The following RCOR2 variants were observed in gnomAD, a reference collection of about 807,000 sequenced individuals.
RCOR2 encodes the protein REST corepressor 2.
RCOR2 carries 19 observed loss-of-function variants against 58.9 expected under a neutral mutation model. The observed-to-expected ratio is 0.32, with a 90% CI of 0.23 to 0.47. The LOEUF (loss-of-function observed/expected upper bound fraction) is 0.47, where lower values mean the gene tolerates loss of function less well. Among genes scored for constraint, RCOR2 ranks in the 20% least tolerant of loss-of-function variants. The pLI, the probability that RCOR2 is intolerant of heterozygous loss-of-function variation, is 1.00. For missense variants in RCOR2, 590 were observed against 707.9 expected (o/e 0.83, Z 1.89); for synonymous variants, 286 against 278.7 (o/e 1.03, Z -0.26).
At chr11:63,920,665 G>A (rs1025652226), upstream of RCOR2, among the ~76,000 whole-genome samples, 4 of 152,154 alleles carry the variant, frequency 2.6e-5, no homozygotes, top group South Asian at 2.1e-4. Flanking sequence ...GGGGCCTGGC[G>A]GGAGGTGACC....
Position 63,914,183 on chromosome 11 carries a change from G to T in RCOR2, c.676-14C>A. 2.5e-6 allele frequency: 4 copies of T among 1,613,454 alleles called. No individual in the cohort carries two copies. The highest frequency in any genetic ancestry group is 3.4e-6 in the Non-Finnish European group (4 of 1,179,792). ...AGAGGGTAGAGGCTGCCAGTGAAAG[G>T]AGAGGCAGGTAGGTGGTGCAGAGCC... On this transcript the variant is annotated splice_polypyrimidine_tract_variant and intron_variant, in intron 7 of 11. Coordinates refer to ENST00000301459, the MANE Select transcript of RCOR2 (RefSeq NM_173587.4).
chr11:63,912,004 G>T lies in RCOR2; in HGVS notation c.1433C>A (p.Pro478His). ...PPLQQGRFLQ[P>H]RLAPNQPPPP... ...TGGGGGCTGGTTGGGGGCCAGCCGG[G>T]GCTGGAGGAAGCGGCCCTGCTGCAG... The change falls in exon 12 of 12, where the codon CCC (proline) becomes CAC (histidine). Residue 478 changes from proline (P) to histidine (H), a missense_variant. Physicochemically the swap from Pro to His is moderately conservative, Grantham distance 77 (BLOSUM62 -2). Coordinates refer to ENST00000301459, the MANE Select transcript of RCOR2 (RefSeq NM_173587.4). 6.9e-7 allele frequency: 1 copy of T among 1,440,460 alleles called. No homozygotes were observed. The allele number at this position is 1,440,460 out of a possible 1,614,324, so 89.2% of individuals were successfully genotyped here. A position where few individuals can be genotyped will look rare whatever the true frequency, so the allele number is the denominator to read the frequency against.
At position 63,912,105 on chromosome 11, in the gene RCOR2, G is replaced by T. The variant is rs748959483; in HGVS notation, c.1332C>A (p.Thr444=). 83 of 1,505,032 alleles carry T rather than the reference G, an allele frequency of 5.5e-5. No homozygotes were observed. In the East Asian group the frequency reaches 7.9e-4, roughly 14 times the overall value. The allele number at this position is 1,505,032 out of a possible 1,614,324, so 93.2% of individuals were successfully genotyped here. Residue 444 remains threonine, a synonymous_variant, in exon 12 of 12, where the codon ACC becomes ACA. Transcript: ENST00000301459. ...GCAGCGGGGGTGGCTGGGACAGCGAGGTGGGAGGTGGAGGGGGTGGTGGCG... is the reference window on the plus strand; with the variant it reads ...GCAGCGGGGGTGGCTGGGACAGCGATGTGGGAGGTGGAGGGGGTGGTGGCG... ...PPAPPPPPPP[T]SLSQPPPLLR... is the part of the protein sequence containing the mutation.
upstream of RCOR2, among the ~76,000 whole-genome samples, chr11:63,918,473 G>T (rs1209786863): frequency 6.6e-6 from 1 of 152,192 alleles, no homozygotes; most frequent in Admixed American, 6.5e-5. Flanking sequence ...CACGTTGCCC[G>T]CCACACCTCG....
At chr11:63,913,489 C>CTGTTTTT (rs1213435840) in intron 8 of RCOR2, among the ~76,000 whole-genome samples, 1 of 76,790 alleles carries the variant, frequency 1.3e-5, no homozygotes, top group South Asian at 4.1e-4. Flanking sequence ...CGTGCTCGGC[C>CTGTTTTT]TATTTTTTTT....
the RCOR2 span, among the ~76,000 whole-genome samples, chr11:63,925,930 A>G: frequency 6.6e-6 from 1 of 151,858 alleles, no homozygotes; most frequent in Non-Finnish European, 1.5e-5. Context: ...TATTTTTGAG[A>G]TGCACTTTTG....
Position 63,912,878 on chromosome 11 carries a change from G to A in RCOR2, c.961C>T (p.Pro321Ser). The change falls in exon 9 of 12, where the codon CCC (proline) becomes TCC (serine). Residue 321 changes from proline (P) to serine (S), a missense_variant. Transcript: ENST00000301459. ...ALEGGIDPLR[P>S]PEANTKFNSR... ...TTAAAGAGCAGCCATACCTCCGGGG[G>A]GCGTAGTGGATCAATACCGCCCTCC... The A allele has an allele frequency of 6.2e-7, 1 of 1,613,778 alleles. No homozygotes were observed. Among genetic ancestry groups the A allele is most frequent in the Non-Finnish European group, 8.5e-7 (1 of 1,179,878 alleles).
Position 63,911,937 on chromosome 11 carries a change from G to T in RCOR2, c.1500C>A (p.Ser500Arg). 1.5e-6 allele frequency: 2 copies of T among 1,310,590 alleles called. No individual in the cohort carries two copies. The highest frequency in any genetic ancestry group is 2.0e-6 in the Non-Finnish European group (2 of 988,552). 81.2% of individuals were successfully genotyped at this position (1,310,590 alleles called of 1,614,324 possible). ...IRPALAAPRH[S>R]ARPGPQPPPT... The stretch of plus-strand genomic sequence containing the variant: ...GTGGGGGCTGAGGGCCAGGGCGGGC[G>T]CTGTGGCGGGGGGCAGCCAGAGCGG... Residue 500 changes from serine (S) to arginine (R), a missense_variant, in exon 12 of 12, where the codon AGC becomes AGA. This residue lies in a region of RCOR2 where 196 missense variants were observed against 210.7 expected (regional missense o/e 0.93). Coordinates refer to ENST00000301459, the MANE Select transcript of RCOR2 (RefSeq NM_173587.4).
rs1941863266 is a variant in RCOR2, at chr11:63,916,711, G to A, written c.-255C>T. ...GGGGGACGCAAGGGATGAGCGCAAG[G>A]TCCGGTGCGGCTGGGGCGTGATTAC... is the stretch of plus-strand genomic sequence containing the variant. On this transcript the variant is annotated 5_prime_UTR_variant, in exon 1 of 12. Transcript: ENST00000301459. 1.7e-5 allele frequency: 9 copies of A among 544,706 alleles called. No homozygotes were observed. The highest frequency in any genetic ancestry group is 3.3e-5 in the East Asian group (1 of 30,044). 33.7% of individuals were successfully genotyped at this position (544,706 alleles called of 1,614,324 possible). A position where few individuals can be genotyped will look rare whatever the true frequency, so the allele number is the denominator to read the frequency against.
rs1941762610 is a variant in RCOR2, at chr11:63,911,815, T to C, written c.*50A>G. ...CAGTGACACCAGAGATGCCTGGGGA[T>C]GGCCAGCAAAGGGGTCCTGGAGCCC... is the stretch of plus-strand genomic sequence containing the variant. On this transcript the variant is annotated 3_prime_UTR_variant, in exon 12 of 12. Coordinates refer to ENST00000301459, the MANE Select transcript of RCOR2 (RefSeq NM_173587.4). 1.4e-6 allele frequency: 2 copies of C among 1,469,584 alleles called. No homozygotes were observed. The highest frequency in any genetic ancestry group is 8.9e-7 in the Non-Finnish European group (1 of 1,124,650). 91.0% of individuals were successfully genotyped at this position (1,469,584 alleles called of 1,614,324 possible). A position where few individuals can be genotyped will look rare whatever the true frequency, so the allele number is the denominator to read the frequency against.
Position 63,915,610 on chromosome 11 carries a change from G to A in RCOR2, c.129C>T (p.Asp43=), listed in dbSNP as rs1249232163. ...AATTGGTTCCAACGCGGATCATGCTGTCTGTGGAGCCAGGGGGAGGCAGTC... is the reference window on the plus strand; with the variant it reads ...AATTGGTTCCAACGCGGATCATGCTATCTGTGGAGCCAGGGGGAGGCAGTC... ...DDSSEEEHSH[D]SMIRVGTNYQ... Residue 43 remains aspartate, a splice_region_variant and synonymous_variant, in exon 2 of 12, where the codon GAC becomes GAT. Transcript: ENST00000301459. 8.6e-6 allele frequency: 13 copies of A among 1,517,774 alleles called. No individual in the cohort carries two copies. Among genetic ancestry groups the A allele is most frequent in the Non-Finnish European group, 1.2e-5 (13 of 1,128,830 alleles). The allele number at this position is 1,517,774 out of a possible 1,614,324, so 94.0% of individuals were successfully genotyped here. A position where few individuals can be genotyped will look rare whatever the true frequency, so the allele number is the denominator to read the frequency against.
Position 63,912,192 on chromosome 11 carries a change from G to A in RCOR2, c.1258-13C>T, listed in dbSNP as rs781565951. 1.4e-5 allele frequency: 22 copies of A among 1,575,416 alleles called. No homozygotes were observed. Among genetic ancestry groups the A allele is most frequent in the African/African-American group, 4.1e-5 (3 of 73,890 alleles). Reference sequence around the variant, plus strand: ...ATGTAATCTGGACCTGAGGGGAGAGGAAAGAGTGAGAAGCCAGGCTCTTCC... The same window carrying A: ...ATGTAATCTGGACCTGAGGGGAGAGAAAAGAGTGAGAAGCCAGGCTCTTCC... On this transcript the variant is annotated splice_polypyrimidine_tract_variant and intron_variant, in intron 11 of 11. Coordinates refer to ENST00000301459, the MANE Select transcript of RCOR2 (RefSeq NM_173587.4).
the RCOR2 span, among the ~76,000 whole-genome samples, chr11:63,926,489 C>CTTTTTTTTTTTTTTT: frequency 2.0e-4 from 27 of 137,800 alleles, no homozygotes; most frequent in African/African-American, 4.3e-4. Context: ...CTCTCTCTCT[C>CTTTTTTTTTTTTTTT]TTTTTTTTTT....
chr11:63,922,247 C>G, the RCOR2 span, among the ~76,000 whole-genome samples: 1 of 152,172 alleles, frequency 6.6e-6, no homozygotes, highest in Non-Finnish European at 1.5e-5. Flanking sequence ...ACAAAATGGA[C>G]TAAGATACTC....
At chr11:63,921,115 T>A (rs1941913224), upstream of RCOR2, among the ~76,000 whole-genome samples, 1 of 152,132 alleles carries the variant, frequency 6.6e-6, no homozygotes, top group Admixed American at 6.5e-5. Context: ...GAAATCTGAT[T>A]CCCTGAGCAA....
At chr11:63,923,230 C>A in the RCOR2 span, among the ~76,000 whole-genome samples, 1 of 151,892 alleles carries the variant, frequency 6.6e-6, no homozygotes, top group African/African-American at 2.4e-5. Context: ...TTTTCATTTT[C>A]CTCTCCTTAC....
At chr11:63,917,909 G>A (rs1411233140), upstream of RCOR2, among the ~76,000 whole-genome samples, 1 of 152,144 alleles carries the variant, frequency 6.6e-6, no homozygotes, top group African/African-American at 2.4e-5. Context: ...CACGGGCAGA[G>A]TGACAGACAG....
the RCOR2 span, among the ~76,000 whole-genome samples, chr11:63,926,416 C>G: frequency 6.6e-6 from 1 of 152,330 alleles, no homozygotes; most frequent in East Asian, 1.9e-4. Flanking sequence ...CCTCTCTTTC[C>G]TCCAAGTCTT....
At chr11:63,922,422 G>A in the RCOR2 span, among the ~76,000 whole-genome samples, 33 of 152,182 alleles carry the variant, frequency 2.2e-4, 1 homozygote, top group Admixed American at 1.8e-3. Context: ...GTATGAGCTC[G>A]GCTCACTGTA....
Sources: allele counts gnomAD v4.1 joint callset (sites outside exome capture counted in the v4.1 genomes callset), GRCh38; gene constraint gnomAD v4.1.1; regional missense constraint gnomAD v4.1.1; transcripts MANE v1.5; gene names NCBI Gene and HGNC (gene_info 2026-07-23, HGNC 2026-07-21).